The following EFHC2 variants were observed in gnomAD, a reference collection of about 807,000 sequenced individuals.
EFHC2 encodes EF-hand domain containing 2.
A neutral mutation model predicts 52.7 loss-of-function variants in EFHC2; 18 were observed. The ratio of observed to expected loss-of-function variants is 0.34; its 90% confidence interval spans 0.24 to 0.51. EFHC2 has a LOEUF of 0.51. EFHC2 is among the 20% of genes least tolerant of loss of function. EFHC2 has a pLI of 0.97. For missense variants in EFHC2, 513 were observed against 562.5 expected, an observed-to-expected ratio of 0.91 and a Z score of 0.89; for synonymous variants, 203 against 204.1, an observed-to-expected ratio of 0.99 and a Z score of 0.04.
intron 1 of EFHC2, among the ~76,000 whole-genome samples, chrX:44,324,241 T>C (rs759698970): frequency 5.5e-5 from 6 of 109,743 alleles, no homozygotes; most frequent in South Asian, 8.2e-4. Context: ...CATCCAGGAA[T>C]TGACTCAGTG....
At chrX:44,190,268 C>T (rs954349538) in intron 11 of EFHC2, among the ~76,000 whole-genome samples, 1 of 111,931 alleles carries the variant, frequency 8.9e-6, no homozygotes, top group African/African-American at 3.3e-5. Flanking sequence ...CAACAAGAAG[C>T]CACAGCAGCA....
In EFHC2 at chrX:44,148,726, A is replaced by G; in HGVS notation, c.*69T>C. ...TTTCTTTTTTGTTTTTAATGAAATTATATCTACTAAAGTAAATGTGGCAAA... is the reference window on the plus strand; with the variant it reads ...TTTCTTTTTTGTTTTTAATGAAATTGTATCTACTAAAGTAAATGTGGCAAA... On this transcript the variant is annotated 3_prime_UTR_variant, in exon 15 of 15. Coordinates refer to ENST00000420999, the MANE Select transcript of EFHC2 (RefSeq NM_025184.4). 2.5e-5 allele frequency: 22 copies of G among 880,140 alleles called. No individual in the cohort carries two copies. Among genetic ancestry groups the G allele is most frequent in the Non-Finnish European group, 3.3e-5 (21 of 633,949 alleles). The allele number at this position is 880,140 out of a possible 1,213,427, so 72.5% of individuals were successfully genotyped here. A position where few individuals can be genotyped will look rare whatever the true frequency, so the allele number is the denominator to read the frequency against.
intron 1 of EFHC2, among the ~76,000 whole-genome samples, chrX:44,324,759 A>G (rs1048085683): frequency 8.9e-6 from 1 of 112,347 alleles, no homozygotes; most frequent in Admixed American, 9.5e-5. Context: ...AGAAGAAACC[A>G]AAATATATCA....
At position 44,168,406 on chromosome X, in the gene EFHC2, C is replaced by G. The variant is rs1182119141; in HGVS notation, c.2043-4379G>C. Among the ~76,000 whole-genome samples the G allele has an allele frequency of 3.6e-5, 4 of 110,725 alleles. No homozygotes were observed. The East Asian group carries it at 1.1e-3, about 31-fold the overall frequency. ...AATTAGCTGGGCGTGTTGGTGGGCA[C>G]CTGTAGTCCCAGCTACTCAGGAGGC... On this transcript the variant is annotated intron_variant, in intron 13 of 14. Transcript: ENST00000420999.
At chrX:44,236,458 G>C (rs1307927588) in intron 8 of EFHC2, among the ~76,000 whole-genome samples, 1 of 112,491 alleles carries the variant, frequency 8.9e-6, no homozygotes, top group East Asian at 2.8e-4. Flanking sequence ...ACAACTCTAA[G>C]CAGAGAAGTC....
intron 2 of EFHC2, among the ~76,000 whole-genome samples, chrX:44,295,325 G>A (rs927736577): frequency 1.7e-4 from 19 of 111,993 alleles, no homozygotes; most frequent in South Asian, 3.7e-4. Context: ...GCTGAAAGAC[G>A]GAGTAAGTGG....
intron 2 of EFHC2, chrX:44,309,604 ATT>A (rs1468107308): frequency 1.7e-6 from 2 of 1,159,829 alleles, no homozygotes; most frequent in Admixed American, 2.2e-5. Flanking sequence ...ATTGATAATT[ATT>A]TCTCTCACTT....
In EFHC2 at chrX:44,229,591, C is replaced by T. The variant is rs1479263928; in HGVS notation, c.1751+58G>A. On this transcript the variant is annotated intron_variant, in intron 11 of 14. Transcript: ENST00000420999. ...CTGATTAGGAAAGAAATAGTTCTCT[C>T]TGTTCTTTGGACAACCTTGAGGGGA... is the stretch of plus-strand genomic sequence containing the variant. 4 of 1,180,538 alleles carry T rather than the reference C, an allele frequency of 3.4e-6. No homozygotes were observed. The African/African-American group carries it at 7.1e-5, about 21-fold the overall frequency.
intron 1 of EFHC2, among the ~76,000 whole-genome samples, chrX:44,319,075 C>G (rs2038001065): frequency 9.4e-6 from 1 of 106,513 alleles, no homozygotes; most frequent in African/African-American, 3.5e-5. Context: ...GTGATCCCAG[C>G]TCACTGCAAC....
At chrX:44,239,172 T>C (rs1310366306) in intron 8 of EFHC2, among the ~76,000 whole-genome samples, 5 of 112,111 alleles carry the variant, frequency 4.5e-5, no homozygotes, top group Admixed American at 9.4e-5. Context: ...GGACAGCAGA[T>C]GGACAATATC....
intron 7 of EFHC2, among the ~76,000 whole-genome samples, chrX:44,246,771 C>T (rs1171792024): frequency 8.9e-6 from 1 of 111,823 alleles, no homozygotes; most frequent in Non-Finnish European, 1.9e-5. Context: ...TTCATATTCT[C>T]ACCAAGCTGA....
chrX:44,163,256 A>T (rs2036671174), intron 14 of EFHC2, among the ~76,000 whole-genome samples: 1 of 112,054 alleles, frequency 8.9e-6, no homozygotes, highest in African/African-American at 3.2e-5. Context: ...CATTTGCTTT[A>T]TCAAGGGACT....
intron 3 of EFHC2, among the ~76,000 whole-genome samples, chrX:44,261,611 G>A (rs1283144782): frequency 1.8e-5 from 2 of 109,126 alleles, no homozygotes; most frequent in East Asian, 2.9e-4. Flanking sequence ...GCAGAATGAC[G>A]AAAAATACCA....
At chrX:44,206,634 G>C (rs994333940) in intron 11 of EFHC2, among the ~76,000 whole-genome samples, 6 of 111,388 alleles carry the variant, frequency 5.4e-5, no homozygotes, top group African/African-American at 1.3e-4. Flanking sequence ...AAAATACCTA[G>C]GAATACACCT....
At chrX:44,320,835 T>C (rs773504028) in intron 1 of EFHC2, among the ~76,000 whole-genome samples, 1 of 109,829 alleles carries the variant, frequency 9.1e-6, no homozygotes. Context: ...TCATACAACC[T>C]CCCCTGTTAG....
rs556645524 is a variant in EFHC2, at chrX:44,319,123, C to A, written c.43-6367G>T. On this transcript the variant is annotated intron_variant, in intron 1 of 14. Transcript: ENST00000420999. The stretch of plus-strand genomic sequence containing the variant: ...GGTTCAAGCAATTCTCCTGCCTCAG[C>A]CTCCCAAGTAGCTGGGATTACAGGT... Among the ~76,000 whole-genome samples the A allele has an allele frequency of 5.1e-4, 56 of 108,943 alleles. 1 individual carries two copies. In the South Asian group the frequency reaches 0.021, roughly 40 times the overall value. The allele number at this position is 108,943 out of a possible 115,157, so 94.6% of individuals were successfully genotyped here.
At chrX:44,182,668 T>C in intron 11 of EFHC2, among the ~76,000 whole-genome samples, 1 of 112,159 alleles carries the variant, frequency 8.9e-6, no homozygotes, top group East Asian at 2.8e-4. Flanking sequence ...TCTTGACCAA[T>C]CATTTCAGGG....
intron 14 of EFHC2, among the ~76,000 whole-genome samples, chrX:44,159,831 C>G (rs1316381189): frequency 8.9e-6 from 1 of 112,806 alleles, no homozygotes; most frequent in African/African-American, 3.2e-5. Context: ...GCAGGGACTG[C>G]CCAGCCCCCT....
chrX:44,299,826 G>A (rs1266605736), intron 2 of EFHC2, among the ~76,000 whole-genome samples: 1 of 111,676 alleles, frequency 9.0e-6, no homozygotes, highest in African/African-American at 3.3e-5. Context: ...GTAAAATCCT[G>A]GTTTTGATAA....
Sources: gnomAD v4.1 joint callset for allele counts (sites outside exome capture counted in the v4.1 genomes callset) on GRCh38, gnomAD v4.1.1 for gene constraint, MANE v1.5 for transcripts, NCBI Gene and HGNC (gene_info 2026-07-23, HGNC 2026-07-21) for gene names.